Variants in CD47 observed in about 807,000 individuals in gnomAD.
The protein encoded by CD47 is leukocyte surface antigen CD47.
Under a neutral mutation model 44.6 loss-of-function variants are expected in CD47, and 11 were observed. The observed-to-expected ratio is 0.25, with a 90% CI of 0.16 to 0.41. The LOEUF is 0.41. Among genes scored for constraint, CD47 ranks in the 10% least tolerant of loss-of-function variants. CD47 has a pLI of 1.00. For missense variants in CD47, 306 were observed against 386.7 expected, an observed-to-expected ratio of 0.79 and a Z score of 1.75; for synonymous variants, 140 against 136.3, an observed-to-expected ratio of 1.03 and a Z score of -0.19.
At chr3:108,086,408 G>T (rs950688283) in intron 1 of CD47, among the ~76,000 whole-genome samples, 1 of 152,160 alleles carries the variant, frequency 6.6e-6, no homozygotes, top group African/African-American at 2.4e-5. Context: ...GAAGTTAGTT[G>T]TGGGAAGCAG....
At chr3:108,080,727 G>C (rs1402491703) in intron 1 of CD47, among the ~76,000 whole-genome samples, 1 of 151,754 alleles carries the variant, frequency 6.6e-6, no homozygotes, top group East Asian at 1.9e-4. Context: ...GTAAAATTTT[G>C]AACAGAAAAC....
intron 2 of CD47, among the ~76,000 whole-genome samples, chr3:108,072,708 A>G (rs1437194794): frequency 2.6e-4 from 40 of 152,182 alleles, no homozygotes; most frequent in Non-Finnish European, 4.4e-5. Context: ...CTAAAACCCT[A>G]CCAGGAAAAA....
intron 7 of CD47, among the ~76,000 whole-genome samples, chr3:108,056,011 C>T (rs2078907818): frequency 6.6e-6 from 1 of 152,132 alleles, no homozygotes; most frequent in Non-Finnish European, 1.5e-5. Context: ...GCGTGCTGCC[C>T]GTCAGCCAAA....
At chr3:108,051,083 T>C (rs2078818498) in intron 8 of CD47, among the ~76,000 whole-genome samples, 1 of 152,206 alleles carries the variant, frequency 6.6e-6, no homozygotes, top group Non-Finnish European at 1.5e-5. Flanking sequence ...CTTTCTAGAA[T>C]ATACCCCTGT....
intron 1 of CD47, among the ~76,000 whole-genome samples, chr3:108,086,959 G>A (rs1236610933): frequency 1.1e-4 from 17 of 152,130 alleles, no homozygotes; most frequent in Admixed American, 1.1e-3. Flanking sequence ...AGAATGAGAC[G>A]AAGGTTATCT....
At chr3:108,048,477 CG>C (rs1298712450) in intron 10 of CD47, among the ~76,000 whole-genome samples, 1 of 147,012 alleles carries the variant, frequency 6.8e-6, no homozygotes. Flanking sequence ...CTCTGCCTCC[CG>C]GGTTCACGCC....
At chr3:108,047,701 AG>A (rs2078744241) in intron 10 of CD47, among the ~76,000 whole-genome samples, 1 of 152,232 alleles carries the variant, frequency 6.6e-6, no homozygotes, top group African/African-American at 2.4e-5. Context: ...TCTGATCCCT[AG>A]GAAGCACCCT....
At chr3:108,083,468 G>C (rs990963978) in intron 1 of CD47, among the ~76,000 whole-genome samples, 2 of 151,982 alleles carry the variant, frequency 1.3e-5, no homozygotes, top group Non-Finnish European at 2.9e-5. Context: ...AGGATGTGGG[G>C]ATATAGTGAT....
chr3:108,056,944 T>C (rs1018693325), intron 7 of CD47, among the ~76,000 whole-genome samples: 3 of 152,206 alleles, frequency 2.0e-5, no homozygotes. Context: ...TTTAAAGTCA[T>C]GCATTAGAGG....
At chr3:108,075,434 G>A (rs577282131) in intron 2 of CD47, among the ~76,000 whole-genome samples, 4 of 152,004 alleles carry the variant, frequency 2.6e-5, no homozygotes, top group Admixed American at 2.6e-4. Flanking sequence ...CAAACATAGG[G>A]AACACCAGGT....
At position 108,049,627 on chromosome 3, in the gene CD47, A is replaced by G. The variant is rs540550254; in HGVS notation, c.959T>C (p.Met320Thr). The G allele has an allele frequency of 6.3e-7, 1 of 1,590,458 alleles. No individual in the cohort carries two copies. The highest frequency in any genetic ancestry group is 1.7e-5 in the Admixed American group (1 of 59,996). ...GTGCATTTTATACTTACCATCATTC[A>G]TCATTCCTTTTGATTCTTTGAATGC... ...LNAFKESKGMMNDE is the reference protein window; with the variant it reads ...LNAFKESKGMTNDE Residue 320 changes from methionine to threonine, a missense_variant, in exon 10 of 11, where the codon ATG becomes ACG. Coordinates refer to ENST00000361309, the MANE Select transcript of CD47 (RefSeq NM_001777.4).
intron 1 of CD47, among the ~76,000 whole-genome samples, chr3:108,087,695 A>T (rs890356622): frequency 3.3e-5 from 5 of 152,180 alleles, no homozygotes; most frequent in African/African-American, 1.2e-4. Context: ...TGTGATATAT[A>T]TTCAAATATG....
At chr3:108,059,318 G>A (rs1302047304) in intron 5 of CD47, 134 bp downstream of exon 5, 2 of 449,716 alleles carry the variant, frequency 4.4e-6, no homozygotes, top group East Asian at 3.6e-5. Context: ...ATGTCACTAA[G>A]AATAGCATGA....
chr3:108,057,463 T>A lies in CD47; in HGVS notation c.877+14A>T. 1 of 1,213,564 alleles carries A rather than the reference T, an allele frequency of 8.2e-7. No homozygotes were observed. The allele number at this position is 1,213,564 out of a possible 1,614,324, so 75.2% of individuals were successfully genotyped here. A position where few individuals can be genotyped will look rare whatever the true frequency, so the allele number is the denominator to read the frequency against. On this transcript the variant is annotated intron_variant, in intron 7 of 10. Transcript: ENST00000361309. Reference sequence around the variant, plus strand: ...AATTATTGGCATAGGTTAATGAAAATAAGATTGACTTACCCACAAATTTCA... The same window carrying A: ...AATTATTGGCATAGGTTAATGAAAAAAAGATTGACTTACCCACAAATTTCA...
intron 6 of CD47, 101 bp downstream of exon 6, chr3:108,058,236 C>T (rs878960183): frequency 4.8e-6 from 3 of 628,532 alleles, no homozygotes; most frequent in Non-Finnish European, 2.5e-6. Context: ...AAAAAAAAAT[C>T]AAGTCTATAT....
intron 2 of CD47, among the ~76,000 whole-genome samples, chr3:108,079,717 T>C (rs2079380668): frequency 6.7e-6 from 1 of 149,968 alleles, no homozygotes; most frequent in African/African-American, 2.5e-5. Flanking sequence ...ATCAGCCAAA[T>C]AAAATGGTCC....
chr3:108,067,010 G>A (rs2079115518), intron 3 of CD47, among the ~76,000 whole-genome samples: 1 of 152,070 alleles, frequency 6.6e-6, no homozygotes, highest in African/African-American at 2.4e-5. Context: ...CTTAGAAAGG[G>A]GTATGACAAT....
intron 1 of CD47, among the ~76,000 whole-genome samples, chr3:108,084,843 T>C (rs900805060): frequency 6.6e-6 from 1 of 152,078 alleles, no homozygotes; most frequent in African/African-American, 2.4e-5. Context: ...GTTGAATGAA[T>C]GAATTAGACA....
intron 3 of CD47, among the ~76,000 whole-genome samples, chr3:108,068,442 T>C (rs1181061787): frequency 3.9e-5 from 6 of 152,176 alleles, no homozygotes; most frequent in Non-Finnish European, 8.8e-5. Flanking sequence ...GCAGAATAAG[T>C]AAACAAATCA....
Sources: allele counts gnomAD v4.1 joint callset (sites outside exome capture counted in the v4.1 genomes callset), GRCh38; gene constraint gnomAD v4.1.1; transcripts MANE v1.5; gene names NCBI Gene and HGNC (gene_info 2026-07-23, HGNC 2026-07-21).